The following EGF variants were observed in gnomAD, a reference collection of about 807,000 sequenced individuals.
The protein encoded by EGF is epidermal growth factor.
Under a neutral mutation model 143.8 loss-of-function variants are expected in EGF, and 95 were observed. That is an observed-to-expected ratio of 0.66 (90% CI 0.56 to 0.78). The LOEUF is 0.78. Ranked by LOEUF, EGF falls within the 30% of genes least tolerant of loss-of-function variation. The pLI is 0.00. For synonymous variants in EGF, 510 were observed against 510.5 expected, an observed-to-expected ratio of 1.00 and a Z score of 0.01; for missense variants, 1,320 against 1,470.9, an observed-to-expected ratio of 0.90 and a Z score of 1.68.
At chr4:109,915,490 G>A (rs1736478327) in intron 1 of EGF, among the ~76,000 whole-genome samples, 1 of 152,194 alleles carries the variant, frequency 6.6e-6, no homozygotes, top group Non-Finnish European at 1.5e-5. Context: ...TCCATGGAGT[G>A]TGGAATGTGT....
chr4:110,007,857 G>A (rs1451437429), intron 22 of EGF, among the ~76,000 whole-genome samples: 1 of 152,184 alleles, frequency 6.6e-6, no homozygotes, highest in African/African-American at 2.4e-5. Context: ...GATTGCTTAT[G>A]GTAAATCAGT....
chr4:109,987,431 C>A (rs1750294108), intron 16 of EGF, among the ~76,000 whole-genome samples: 1 of 151,996 alleles, frequency 6.6e-6, no homozygotes, highest in Non-Finnish European at 1.5e-5. Context: ...GTAGCTGGGA[C>A]TATACACCAG....
chr4:109,938,106 G>A (rs542683430), intron 1 of EGF, among the ~76,000 whole-genome samples: 1 of 152,156 alleles, frequency 6.6e-6, no homozygotes, highest in South Asian at 2.1e-4. Flanking sequence ...GCCGAAGAGT[G>A]TTTTCTAACT....
intron 4 of EGF, 147 bp from the exon 5 acceptor site, chr4:109,944,926 C>T: frequency 3.6e-6 from 3 of 838,460 alleles, no homozygotes; most frequent in Non-Finnish European, 5.7e-6. Flanking sequence ...AAATTTTAAA[C>T]TTAATATACT....
rs563724131 is a variant in EGF at position 109,975,137 on chromosome 4, C to T, written c.1829+330C>T. On this transcript the variant is annotated intron_variant, in intron 12 of 23. Transcript: ENST00000265171. ...AGAAAAGGATATTTGGATTATATGACTTATAGATTCTGTTTAGAAAAATCA... is the reference window on the plus strand; with the variant it reads ...AGAAAAGGATATTTGGATTATATGATTTATAGATTCTGTTTAGAAAAATCA... 3.3e-5 allele frequency among the ~76,000 whole-genome samples: 5 copies of T among 152,210 alleles called. No individual in the cohort carries two copies. In the South Asian group the frequency reaches 1.0e-3, roughly 32 times the overall value.
chr4:110,004,443 A>T, intron 21 of EGF, 62 bp from the exon 22 acceptor site: 1 of 1,423,912 alleles, frequency 7.0e-7, no homozygotes. Context: ...CCTGATCATC[A>T]CTGAGTGGGC....
At chr4:109,971,559 C>T (rs999691548) in intron 11 of EGF, among the ~76,000 whole-genome samples, 20 of 152,134 alleles carry the variant, frequency 1.3e-4, no homozygotes, top group Admixed American at 9.8e-4. Context: ...AGAGGCAAGG[C>T]GTTCAGGAGA....
chr4:109,923,086 A>T (rs1410297098), intron 1 of EGF, among the ~76,000 whole-genome samples: 1 of 151,540 alleles, frequency 6.6e-6, no homozygotes, highest in Non-Finnish European at 1.5e-5. Context: ...CTAACATGTG[A>T]CAAAACTCCC....
Position 109,979,884 on chromosome 4 carries a change from T to A in EGF, c.2054-88T>A. On this transcript the variant is annotated intron_variant, in intron 13 of 23. Coordinates refer to ENST00000265171, the MANE Select transcript of EGF (RefSeq NM_001963.6). ...CTAAAGAGCTGATTTAGTGTAGGAA[T>A]GTTGTGTAAATTTCAAGCCTTGTCC... The A allele has an allele frequency of 4.0e-6, 6 of 1,487,664 alleles. No homozygotes were observed. In the South Asian group the frequency reaches 6.0e-5, roughly 15 times the overall value. The allele number at this position is 1,487,664 out of a possible 1,614,324, so 92.2% of individuals were successfully genotyped here.
At chr4:109,915,926 G>A (rs1045575389) in intron 1 of EGF, among the ~76,000 whole-genome samples, 3 of 152,136 alleles carry the variant, frequency 2.0e-5, no homozygotes, top group Non-Finnish European at 4.4e-5. Context: ...TGAGTATTCT[G>A]TTAGCGTCTA....
At position 109,987,729 on chromosome 4, in the gene EGF, T is replaced by C; in HGVS notation, c.2492-15T>C. 2 of 1,603,672 alleles carry C rather than the reference T, an allele frequency of 1.2e-6. No individual in the cohort carries two copies. Among genetic ancestry groups the C allele is most frequent in the South Asian group, 2.2e-5 (2 of 90,878 alleles). ...AGGTCTAGAAATAACTGCACGGGATTCTTGCTATTTGTAGATCAAGATGAC... is the reference window on the plus strand; with the variant it reads ...AGGTCTAGAAATAACTGCACGGGATCCTTGCTATTTGTAGATCAAGATGAC... On this transcript the variant is annotated splice_polypyrimidine_tract_variant and intron_variant, in intron 16 of 23. Coordinates refer to ENST00000265171, the MANE Select transcript of EGF (RefSeq NM_001963.6).
At chr4:109,941,272 A>G (rs1390440048) in intron 2 of EGF, 127 bp downstream of exon 2, 2 of 837,852 alleles carry the variant, frequency 2.4e-6, no homozygotes, top group Admixed American at 2.2e-5. Context: ...TGCCAAATAT[A>G]GGCATTTATT....
intron 20 of EGF, among the ~76,000 whole-genome samples, chr4:109,997,037 C>T (rs1751892185): frequency 6.6e-6 from 1 of 151,850 alleles, no homozygotes; most frequent in African/African-American, 2.4e-5. Flanking sequence ...CTTATTATTA[C>T]TCAAATTGGT....
intron 15 of EGF, 22 bp downstream of exon 15, chr4:109,980,997 C>T (rs759627635): frequency 6.2e-7 from 1 of 1,613,820 alleles, no homozygotes; most frequent in Admixed American, 1.7e-5. Flanking sequence ...AATTATGTGG[C>T]AAATTACCTA....
chr4:110,002,539 A>C (rs770573069), intron 21 of EGF, among the ~76,000 whole-genome samples: 3 of 152,150 alleles, frequency 2.0e-5, no homozygotes, highest in Non-Finnish European at 2.9e-5. Flanking sequence ...AAACTAAATA[A>C]ATTTTTCAAG....
chr4:109,927,467 G>A (rs1307959382), intron 1 of EGF, among the ~76,000 whole-genome samples: 1 of 152,116 alleles, frequency 6.6e-6, no homozygotes, highest in Non-Finnish European at 1.5e-5. Context: ...GCTCATGCCT[G>A]TAATCCTAGC....
rs573713375 is a variant in EGF at position 110,012,262 on chromosome 4, A to G, written c.*807A>G. On this transcript the variant is annotated 3_prime_UTR_variant, in exon 24 of 24. Transcript: ENST00000265171. ...TTATTTAAATAAAATCACCAAAAACATAAACATTTTATTGTATGCCTGATT... is the reference window on the plus strand; with the variant it reads ...TTATTTAAATAAAATCACCAAAAACGTAAACATTTTATTGTATGCCTGATT... 2.6e-5 allele frequency: 4 copies of G among 152,350 alleles called. No individual in the cohort carries two copies. In the South Asian group the frequency reaches 6.2e-4, roughly 24 times the overall value. The allele number at this position is 152,350 out of a possible 1,614,324, so 9.4% of individuals were successfully genotyped here.
At chr4:109,954,187 G>A (rs1744409081) in intron 5 of EGF, among the ~76,000 whole-genome samples, 1 of 152,102 alleles carries the variant, frequency 6.6e-6, no homozygotes. Flanking sequence ...AAGAAGCTGG[G>A]ACTACAGGCA....
Position 109,983,506 on chromosome 4 carries a change from C to CAACATAACATTACAT in EGF, c.2456_2457insAACATAACATTACAT (p.Ser819_Gln820insThrTer). 1 of 1,613,792 alleles carries CAACATAACATTACAT rather than the reference C, an allele frequency of 6.2e-7. No individual in the cohort carries two copies. Among genetic ancestry groups the CAACATAACATTACAT allele is most frequent in the Non-Finnish European group, 8.5e-7 (1 of 1,179,828 alleles). Reference sequence around the variant, plus strand: ...GTGTCAGAAGATAACATTACAGAATCTCAACACATGCTAGTGGCTGAAATC... The same window carrying CAACATAACATTACAT: ...GTGTCAGAAGATAACATTACAGAATCAACATAACATTACATTCAACACATGCTAGTGGCTGAAATC... On this transcript the variant is annotated stop_gained and inframe_insertion, in exon 16 of 24. Coordinates refer to ENST00000265171, the MANE Select transcript of EGF (RefSeq NM_001963.6). LOFTEE classifies it high-confidence loss of function.
Sources: gnomAD v4.1 joint callset for allele counts (sites outside exome capture counted in the v4.1 genomes callset) on GRCh38, gnomAD v4.1.1 for gene constraint, MANE v1.5 for transcripts, NCBI Gene and HGNC (gene_info 2026-07-23, HGNC 2026-07-21) for gene names.